The following KPNA1 variants were observed in gnomAD, a reference collection of about 807,000 sequenced individuals.
KPNA1 encodes the protein karyopherin subunit alpha 1.
A neutral mutation model predicts 70.5 loss-of-function variants in KPNA1; 10 were observed. The ratio of observed to expected loss-of-function variants is 0.14; its 90% CI spans 0.09 to 0.24. KPNA1 has a LOEUF of 0.24. Ranked by LOEUF, KPNA1 falls within the 10% of genes least tolerant of loss-of-function variation. The pLI, the probability that KPNA1 is intolerant of heterozygous loss-of-function variation, is 1.00. For missense variants in KPNA1, 397 were observed against 637.9 expected (o/e 0.62, Z 4.07); for synonymous variants, 192 against 221.9 (o/e 0.87, Z 1.20).
rs572453560 is a variant in KPNA1, at chr3:122,491,806, A to G, written c.129+4631T>C. Among the ~76,000 whole-genome samples the G allele has an allele frequency of 3.9e-3, 521 of 133,990 alleles. 2 individuals are homozygous for G. Among genetic ancestry groups the G allele is most frequent in the Non-Finnish European group, 5.5e-3 (337 of 60,866 alleles). 87.9% of individuals were successfully genotyped at this position (133,990 alleles called of 152,430 possible). On this transcript the variant is annotated intron_variant, in intron 2 of 13. Coordinates refer to ENST00000344337, the MANE Select transcript of KPNA1 (RefSeq NM_002264.4). ...AATCAATATCATTTAATCGTTAGTT[A>G]TAAGAGGTGAGCTAAGCATGCAAAG...
chr3:122,478,641 G>T (rs910991677), intron 2 of KPNA1, among the ~76,000 whole-genome samples: 1 of 151,438 alleles, frequency 6.6e-6, no homozygotes, highest in African/African-American at 2.4e-5. Context: ...AGAATTGCTT[G>T]AACTGGGACC....
At chr3:122,467,697 A>G (rs138598599) in intron 2 of KPNA1, among the ~76,000 whole-genome samples, 160 of 152,314 alleles carry the variant, frequency 1.1e-3, no homozygotes, top group African/African-American at 3.8e-3. Flanking sequence ...ACATTAAAAA[A>G]AAAAAGGTTG....
At chr3:122,500,435 G>C (rs979618235) in intron 1 of KPNA1, among the ~76,000 whole-genome samples, 4 of 151,920 alleles carry the variant, frequency 2.6e-5, no homozygotes, top group African/African-American at 9.7e-5. Context: ...ACTGTTAACA[G>C]TATTTCTTTA....
intron 12 of KPNA1, among the ~76,000 whole-genome samples, chr3:122,429,221 CG>C (rs1257817930): frequency 6.6e-6 from 1 of 152,022 alleles, no homozygotes; most frequent in Non-Finnish European, 1.5e-5. Context: ...GAGGCCAACG[CG>C]GGTGGATCAC....
chr3:122,489,057 C>CGT (rs34002370), intron 2 of KPNA1, among the ~76,000 whole-genome samples: 4,657 of 130,698 alleles, frequency 0.036, 136 homozygotes, highest in East Asian at 0.12. Context: ...TTTTTGCGTG[C>CGT]GTGTGTGTGT....
At chr3:122,474,949 G>C (rs983333082) in intron 2 of KPNA1, among the ~76,000 whole-genome samples, 1 of 152,106 alleles carries the variant, frequency 6.6e-6, no homozygotes, top group East Asian at 1.9e-4. Flanking sequence ...TCAGAAACAA[G>C]ACAAGGATGC....
Position 122,461,231 on chromosome 3 carries a change from G to A in KPNA1, c.425C>T (p.Thr142Ile). The part of the protein sequence containing the change: ...VEFLKRKENC[T>I]LQFESAWVLT... ...AATAAAAATTATTCGCACCTGCAGT[G>A]TACAATTCTCTTTTCGTTTGAGGAA... The change falls in exon 5 of 14, where the codon ACA becomes ATA. Residue 142 changes from threonine to isoleucine, a missense_variant. Transcript: ENST00000344337. 1 of 1,607,154 alleles carries A rather than the reference G, an allele frequency of 6.2e-7. No individual in the cohort carries two copies. The highest frequency in any genetic ancestry group is 8.5e-7 in the Non-Finnish European group (1 of 1,174,530).
At chr3:122,480,172 G>A (rs1051331832) in intron 2 of KPNA1, among the ~76,000 whole-genome samples, 3 of 152,252 alleles carry the variant, frequency 2.0e-5, no homozygotes, top group Non-Finnish European at 2.9e-5. Flanking sequence ...GGGAAAGGAG[G>A]GACAAATAGG....
chr3:122,510,007 G>T (rs1331817940), intron 1 of KPNA1, among the ~76,000 whole-genome samples: 1 of 152,088 alleles, frequency 6.6e-6, no homozygotes, highest in Non-Finnish European at 1.5e-5. Context: ...TACAAACAAA[G>T]AATCAGATTG....
chr3:122,478,623 G>A (rs2076532958), intron 2 of KPNA1, among the ~76,000 whole-genome samples: 1 of 151,872 alleles, frequency 6.6e-6, no homozygotes, highest in Admixed American at 6.6e-5. Flanking sequence ...TCAGGAGGCT[G>A]AGGCAGGAGA....
chr3:122,473,980 T>C (rs2076470968), intron 2 of KPNA1, among the ~76,000 whole-genome samples: 1 of 152,104 alleles, frequency 6.6e-6, no homozygotes, highest in African/African-American at 2.4e-5. Context: ...AAAAAACCTC[T>C]GGAACTAATA....
intron 2 of KPNA1, among the ~76,000 whole-genome samples, chr3:122,475,565 A>G (rs947678681): frequency 6.6e-6 from 1 of 152,192 alleles, no homozygotes; most frequent in African/African-American, 2.4e-5. Flanking sequence ...AAAAATGAAC[A>G]GAGGAGGAGG....
chr3:122,482,089 C>G (rs1057202144), intron 2 of KPNA1, among the ~76,000 whole-genome samples: 2 of 152,234 alleles, frequency 1.3e-5, no homozygotes, highest in Admixed American at 1.3e-4. Context: ...ATACATCACA[C>G]GACTTCATCA....
intron 5 of KPNA1, among the ~76,000 whole-genome samples, chr3:122,458,269 C>G (rs1212013874): frequency 6.6e-6 from 1 of 152,162 alleles, no homozygotes; most frequent in Non-Finnish European, 1.5e-5. Flanking sequence ...ATGCCATAAA[C>G]CAGACCAGTC....
intron 2 of KPNA1, among the ~76,000 whole-genome samples, chr3:122,485,432 T>C (rs2076618402): frequency 6.7e-6 from 1 of 148,552 alleles, no homozygotes; most frequent in Non-Finnish European, 1.5e-5. Context: ...AAATGGCACC[T>C]GAACGACTGG....
At chr3:122,467,993 G>A (rs934757043) in intron 2 of KPNA1, among the ~76,000 whole-genome samples, 12 of 152,162 alleles carry the variant, frequency 7.9e-5, no homozygotes, top group African/African-American at 2.7e-4. Context: ...GTCAGCCAAC[G>A]AGGGTGATTA....
At chr3:122,512,918 T>G (rs1276119170) in intron 1 of KPNA1, among the ~76,000 whole-genome samples, 2 of 142,538 alleles carry the variant, frequency 1.4e-5, no homozygotes, top group Non-Finnish European at 3.2e-5. Context: ...CAGTTGCTAC[T>G]CAACTATAAT....
At chr3:122,509,822 C>T (rs2107512317) in intron 1 of KPNA1, among the ~76,000 whole-genome samples, 1 of 152,256 alleles carries the variant, frequency 6.6e-6, no homozygotes, top group African/African-American at 2.4e-5. Context: ...TTTTGCCTAA[C>T]ATCCAAATAA....
chr3:122,451,698 C>G lies in KPNA1; in HGVS notation c.654-65G>C, dbSNP rs978994122. 2.9e-6 allele frequency: 3 copies of G among 1,022,016 alleles called. No homozygotes were observed. In the African/African-American group the frequency reaches 4.8e-5, roughly 16 times the overall value. The allele number at this position is 1,022,016 out of a possible 1,614,324, so 63.3% of individuals were successfully genotyped here. A position where few individuals can be genotyped will look rare whatever the true frequency, so the allele number is the denominator to read the frequency against. ...CAGTGATTATCTGATGACATAAATACTAAATAATAATACTTTTGATAAAGA... is the reference window on the plus strand; with the variant it reads ...CAGTGATTATCTGATGACATAAATAGTAAATAATAATACTTTTGATAAAGA... On this transcript the variant is annotated intron_variant, in intron 7 of 13. Transcript: ENST00000344337.
Sources: gnomAD v4.1 joint callset for allele counts (sites outside exome capture counted in the v4.1 genomes callset) on GRCh38, gnomAD v4.1.1 for gene constraint, MANE v1.5 for transcripts, NCBI Gene and HGNC (gene_info 2026-07-23, HGNC 2026-07-21) for gene names.